TSHZ2: variants seen among roughly 807,000 people sequenced by gnomAD.
TSHZ2 encodes teashirt zinc finger homeobox 2, also known as teashirt homolog 2.
TSHZ2 carries 21 observed loss-of-function variants against 74.4 expected under a neutral mutation model. The observed-to-expected ratio is 0.28, with a 90% CI of 0.20 to 0.41. The LOEUF is 0.41. Ranked by LOEUF, TSHZ2 falls within the 10% of genes least tolerant of loss-of-function variation. TSHZ2 has a pLI of 1.00. For synonymous variants in TSHZ2, 540 were observed against 515.3 expected (o/e 1.05, Z -0.65); for missense variants, 1,244 against 1,293.5 (o/e 0.96, Z 0.59).
chr20:53,428,464 T>C (rs970565867), intron 2 of TSHZ2, among the ~76,000 whole-genome samples: 1 of 152,216 alleles, frequency 6.6e-6, no homozygotes, highest in Non-Finnish European at 1.5e-5. Flanking sequence ...TGGCTTCAGT[T>C]TGGGGAACTC....
chr20:53,082,641 T>C (rs946037572), intron 1 of TSHZ2, among the ~76,000 whole-genome samples: 1 of 152,212 alleles, frequency 6.6e-6, no homozygotes, highest in Non-Finnish European at 1.5e-5. Context: ...CCCTGGTGAT[T>C]CCCTCACCGA....
chr20:53,362,007 C>T (rs1448797491), intron 2 of TSHZ2, among the ~76,000 whole-genome samples: 1 of 151,858 alleles, frequency 6.6e-6, no homozygotes, highest in Non-Finnish European at 1.5e-5. Flanking sequence ...GCAACCTCCA[C>T]CTCCCAGATT....
chr20:53,215,699 T>A (rs1989419975), intron 1 of TSHZ2, among the ~76,000 whole-genome samples: 1 of 151,476 alleles, frequency 6.6e-6, no homozygotes, highest in Non-Finnish European at 1.5e-5. Context: ...AGAAACCCCA[T>A]CTCTACTAAA....
chr20:53,235,313 G>A (rs1450032389), intron 1 of TSHZ2, among the ~76,000 whole-genome samples: 14 of 151,970 alleles, frequency 9.2e-5, no homozygotes, highest in African/African-American at 2.9e-4. Flanking sequence ...GATTACAGGC[G>A]TGGACCACCA....
At chr20:53,469,080 T>TATATATATAAA (rs1985668049) in intron 2 of TSHZ2, among the ~76,000 whole-genome samples, 1 of 135,210 alleles carries the variant, frequency 7.4e-6, no homozygotes, top group Non-Finnish European at 1.6e-5. Flanking sequence ...TATATATATA[T>TATATATATAAA]ATATGTACAT....
At chr20:53,410,126 C>T (rs1325225499) in intron 2 of TSHZ2, among the ~76,000 whole-genome samples, 3 of 152,048 alleles carry the variant, frequency 2.0e-5, no homozygotes, top group Non-Finnish European at 2.9e-5. Flanking sequence ...GGATTACAGG[C>T]GTAAGCCACC....
At chr20:53,460,536 C>T (rs1290772047) in intron 2 of TSHZ2, among the ~76,000 whole-genome samples, 4 of 149,110 alleles carry the variant, frequency 2.7e-5, no homozygotes, top group African/African-American at 7.3e-5. Flanking sequence ...CTGAAGCCTT[C>T]TTCTCTCAGC....
chr20:53,137,287 T>C (rs1987268655), intron 1 of TSHZ2, among the ~76,000 whole-genome samples: 1 of 145,042 alleles, frequency 6.9e-6, no homozygotes, highest in African/African-American at 2.5e-5. Flanking sequence ...GGATAATATA[T>C]TCGTGTTTCT....
At chr20:53,407,383 A>G (rs1982891294) in intron 2 of TSHZ2, among the ~76,000 whole-genome samples, 1 of 152,202 alleles carries the variant, frequency 6.6e-6, no homozygotes, top group Non-Finnish European at 1.5e-5. Context: ...AAGTGGCTCA[A>G]TATGGTATTT....
At chr20:53,181,093 G>A (rs2123509966) in intron 1 of TSHZ2, among the ~76,000 whole-genome samples, 1 of 152,136 alleles carries the variant, frequency 6.6e-6, no homozygotes, top group African/African-American at 2.4e-5. Context: ...CGCTGTCTCA[G>A]TGTTTTTGCA....
At chr20:53,206,595 G>A (rs907303916) in intron 1 of TSHZ2, 2 of 152,196 alleles carry the variant, frequency 1.3e-5, no homozygotes, top group African/African-American at 2.4e-5. Flanking sequence ...TTTGAACACT[G>A]TATACCCTCT....
intron 2 of TSHZ2, among the ~76,000 whole-genome samples, chr20:53,298,549 C>T (rs1991424295): frequency 6.6e-6 from 1 of 152,146 alleles, no homozygotes. Flanking sequence ...CGAGAAGGAG[C>T]TTGGCTTGTT....
intron 2 of TSHZ2, among the ~76,000 whole-genome samples, chr20:53,344,447 G>A (rs911361223): frequency 1.3e-5 from 2 of 152,142 alleles, no homozygotes; most frequent in Non-Finnish European, 2.9e-5. Flanking sequence ...CTGAAGTTGA[G>A]ACCAAAGATG....
At chr20:53,412,176 C>A (rs372242120) in intron 2 of TSHZ2, among the ~76,000 whole-genome samples, 2 of 152,206 alleles carry the variant, frequency 1.3e-5, no homozygotes, top group Non-Finnish European at 1.5e-5. Flanking sequence ...CAGGTTAACA[C>A]GTCCGGTCCT....
At chr20:53,128,269 A>G (rs1987002531) in intron 1 of TSHZ2, among the ~76,000 whole-genome samples, 1 of 152,182 alleles carries the variant, frequency 6.6e-6, no homozygotes, top group Admixed American at 6.5e-5. Flanking sequence ...CTAAACTCAT[A>G]TGGGCTGAGC....
chr20:53,222,047 G>T (rs1158994785), intron 1 of TSHZ2, among the ~76,000 whole-genome samples: 1 of 152,086 alleles, frequency 6.6e-6, no homozygotes, highest in Non-Finnish European at 1.5e-5. Context: ...CTAAGTATTT[G>T]GATGGCTAAT....
At chr20:53,196,719 G>A (rs1418609939) in intron 1 of TSHZ2, among the ~76,000 whole-genome samples, 7 of 152,200 alleles carry the variant, frequency 4.6e-5, no homozygotes, top group Non-Finnish European at 1.0e-4. Context: ...CAACATGTGG[G>A]TCAGTGTTTT....
chr20:53,036,852 T>G lies in TSHZ2; in HGVS notation c.40+63519T>G, dbSNP rs933591934. Among the ~76,000 whole-genome samples, 3 of 150,076 alleles carry G rather than the reference T, an allele frequency of 2.0e-5. No homozygotes were observed. The Admixed American group carries it at 2.0e-4, about 10-fold the overall frequency. ...TCACATAAACTTTATATTATATATG[T>G]GTAGATAGACATCTCTTTAATGGAA... On this transcript the variant is annotated intron_variant, in intron 1 of 2. Coordinates refer to ENST00000371497, the MANE Select transcript of TSHZ2 (RefSeq NM_173485.6).
intron 1 of TSHZ2, among the ~76,000 whole-genome samples, chr20:52,999,042 C>T (rs1394401594): frequency 6.6e-6 from 1 of 152,026 alleles, no homozygotes; most frequent in African/African-American, 2.4e-5. Flanking sequence ...CTGAAACTTA[C>T]AGCAGTGATT....
Sources: gnomAD v4.1 joint callset for allele counts (sites outside exome capture counted in the v4.1 genomes callset) on GRCh38, gnomAD v4.1.1 for gene constraint, MANE v1.5 for transcripts, NCBI Gene and HGNC (gene_info 2026-07-23, HGNC 2026-07-21) for gene names.